Variants in TJP2 observed in about 807,000 individuals in gnomAD.
TJP2 encodes tight junction protein 2, also known as Friedreich ataxia region gene X104 (tight junction protein ZO-2).
In TJP2, 91 loss-of-function variants were observed where a neutral mutation model predicts 133.1. The ratio of observed to expected loss-of-function variants is 0.68; its 90% CI spans 0.58 to 0.81. TJP2 has a LOEUF of 0.81. Ranked by LOEUF, TJP2 falls within the 40% of genes least tolerant of loss-of-function variation. TJP2 has a pLI of 0.00. For synonymous variants in TJP2, 592 were observed against 583.4 expected, an observed-to-expected ratio of 1.01 and a Z score of -0.21; for missense variants, 1,541 against 1,565.6, an observed-to-expected ratio of 0.98 and a Z score of 0.26.
chr9:69,151,063 T>TTA (rs1823449295), intron 1 of TJP2, among the ~76,000 whole-genome samples: 1 of 152,078 alleles, frequency 6.6e-6, no homozygotes, highest in Non-Finnish European at 1.5e-5. Flanking sequence ...AATAGATAAA[T>TTA]CTATAGAGTA....
At chr9:69,190,304 A>G (rs1288080438) in intron 1 of TJP2, among the ~76,000 whole-genome samples, 1 of 152,226 alleles carries the variant, frequency 6.6e-6, no homozygotes, top group Non-Finnish European at 1.5e-5. Flanking sequence ...TGTGTTGGTA[A>G]TACTGACAAA....
intron 2 of TJP2, among the ~76,000 whole-genome samples, chr9:69,216,109 T>C (rs1828354509): frequency 6.6e-6 from 1 of 152,166 alleles, no homozygotes; most frequent in South Asian, 2.1e-4. Flanking sequence ...GCACTATCAA[T>C]CTTTTCCAGC....
At chr9:69,205,270 A>G (rs1375985717) in intron 1 of TJP2, 2 of 1,537,136 alleles carry the variant, frequency 1.3e-6, no homozygotes, top group Non-Finnish European at 1.7e-6. Context: ...TGTTTTCCCC[A>G]ACCTTTCTTC....
At chr9:69,238,002 C>A in intron 15 of TJP2, 29 bp downstream of exon 15, 1 of 1,558,936 alleles carries the variant, frequency 6.4e-7, no homozygotes, top group Non-Finnish European at 8.8e-7. Context: ...TTTTTTCCCC[C>A]AAATTTTTAT....
chr9:69,193,404 A>G (rs1378397421), intron 1 of TJP2, among the ~76,000 whole-genome samples: 1 of 151,688 alleles, frequency 6.6e-6, no homozygotes, highest in African/African-American at 2.4e-5. Context: ...CAAAAAGGAA[A>G]ATTGGGTGCC....
chr9:69,237,041 T>A lies in TJP2; in HGVS notation c.2084T>A (p.Val695Glu). 1.2e-6 allele frequency: 2 copies of A among 1,613,984 alleles called. No individual in the cohort carries two copies. The highest frequency in any genetic ancestry group is 1.7e-6 in the Non-Finnish European group (2 of 1,180,010). The change falls in exon 14 of 23, where the codon GTG becomes GAG. Residue 695 changes from valine to glutamate, a missense_variant. By Grantham distance (121) the Val-to-Glu change is moderately radical. Transcript: ENST00000377245. ...FWRMRGQRSG[V>E]KKNLRKSRED... ...AGAATGCGTGGCCAGAGGTCTGGGG[T>A]GAAGAAGAACCTGAGGAAAAGTCGG...
chr9:69,198,073 T>G (rs1199073893), intron 1 of TJP2, among the ~76,000 whole-genome samples: 1 of 152,106 alleles, frequency 6.6e-6, no homozygotes, highest in African/African-American at 2.4e-5. Flanking sequence ...TTATTGCTGT[T>G]TGCATTTCAA....
Position 69,254,547 on chromosome 9 carries a change from T to A in TJP2, c.*173T>A. 1 of 810,494 alleles carries A rather than the reference T, an allele frequency of 1.2e-6. No individual in the cohort carries two copies. Among genetic ancestry groups the A allele is most frequent in the South Asian group, 1.5e-5 (1 of 65,662 alleles). The allele number at this position is 810,494 out of a possible 1,614,324, so 50.2% of individuals were successfully genotyped here. A position where few individuals can be genotyped will look rare whatever the true frequency, so the allele number is the denominator to read the frequency against. On this transcript the variant is annotated 3_prime_UTR_variant, in exon 23 of 23. Transcript: ENST00000377245. ...GGGACAGCTGGTGCAAATTCAGAAC[T>A]GAGGGCTCTGTTTGTGGGACTGGGT...
chr9:69,252,724 GGGAAAGGGTGGGACCAGCA>G lies in TJP2; in HGVS notation c.3322-85_3322-67del, dbSNP rs1276071893. 12 of 1,202,842 alleles carry G rather than the reference GGGAAAGGGTGGGACCAGCA, an allele frequency of 1.0e-5. No individual in the cohort carries two copies. The African/African-American group carries it at 1.8e-4, about 18-fold the overall frequency. 74.5% of individuals were successfully genotyped at this position (1,202,842 alleles called of 1,614,324 possible). On this transcript the variant is annotated intron_variant, in intron 21 of 22. Coordinates refer to ENST00000377245, the MANE Select transcript of TJP2 (RefSeq NM_004817.4). ...GGGATGGGAAAATAAGTAGGATATGGGGAAAGGGTGGGACCAGCAGGAAACCAGCAAGCAGAGTGCCCAG... is the reference window on the plus strand; with the variant it reads ...GGGATGGGAAAATAAGTAGGATATGGGGAAACCAGCAAGCAGAGTGCCCAG...
rs140699826 is a variant in TJP2 at position 69,199,596 on chromosome 9, A to G, written c.61-12952A>G. 7.2e-5 allele frequency among the ~76,000 whole-genome samples: 11 copies of G among 152,162 alleles called. No individual in the cohort carries two copies. In the East Asian group the frequency reaches 1.5e-3, roughly 21 times the overall value. On this transcript the variant is annotated intron_variant, in intron 1 of 22. Transcript: ENST00000377245. ...AGAGGGAAACATCATGCAGAAAACC[A>G]TTGGCCCATTTATTGGATGGTGTCC... is the stretch of plus-strand genomic sequence containing the variant.
intron 8 of TJP2, 54 bp downstream of exon 8, chr9:69,227,927 T>C (rs993055501): frequency 2.5e-6 from 4 of 1,613,536 alleles, no homozygotes; most frequent in South Asian, 2.2e-5. Flanking sequence ...TACACACATA[T>C]GTATTTATGA....
intron 1 of TJP2, among the ~76,000 whole-genome samples, chr9:69,199,350 G>T (rs552056493): frequency 1.3e-5 from 2 of 152,094 alleles, no homozygotes; most frequent in Non-Finnish European, 2.9e-5. Context: ...GCAACATAGC[G>T]AGACCTTGTC....
chr9:69,230,877 A>G (rs916135894), intron 11 of TJP2, among the ~76,000 whole-genome samples: 7 of 152,168 alleles, frequency 4.6e-5, no homozygotes, highest in African/African-American at 1.7e-4. Flanking sequence ...GCTGCTACTC[A>G]ATGTTATTTA....
chr9:69,200,383 G>GT lies in TJP2; in HGVS notation c.61-12165_61-12164insT, dbSNP rs751919475. Reference sequence around the variant, plus strand: ...TGTGCCATCAATTACACTGTTTTGTGGTTTTTTACACCTTTTTTTCTAGAC... The same window carrying GT: ...TGTGCCATCAATTACACTGTTTTGTGTGTTTTTTACACCTTTTTTTCTAGAC... On this transcript the variant is annotated intron_variant, in intron 1 of 22. Transcript: ENST00000377245. 3.6e-4 allele frequency among the ~76,000 whole-genome samples: 46 copies of GT among 127,754 alleles called. 1 individual carries two copies. The highest frequency in any genetic ancestry group is 6.5e-4 in the Non-Finnish European group (38 of 58,020). 83.8% of individuals were successfully genotyped at this position (127,754 alleles called of 152,430 possible). A position where few individuals can be genotyped will look rare whatever the true frequency, so the allele number is the denominator to read the frequency against.
Position 69,229,220 on chromosome 9 carries a change from G to T in TJP2, c.1490G>T (p.Arg497Leu), listed in dbSNP as rs532438219. The T allele has an allele frequency of 1.2e-6, 2 of 1,613,920 alleles. No individual in the cohort carries two copies. Among genetic ancestry groups the T allele is most frequent in the African/African-American group, 1.3e-5 (1 of 74,942 alleles). Residue 497 changes from arginine (R) to leucine (L), a missense_variant, in exon 10 of 23, where the codon CGT becomes CTT. Arg to Leu is a moderately radical substitution (Grantham distance 102). Coordinates refer to ENST00000377245, the MANE Select transcript of TJP2 (RefSeq NM_004817.4). Reference sequence around the variant, plus strand: ...AAAGCAGCCCCGAGAACTTTTCTTCGTCCTAGTCCTGAAGATGAAGCAATA... The same window carrying T: ...AAAGCAGCCCCGAGAACTTTTCTTCTTCCTAGTCCTGAAGATGAAGCAATA... ...QPKAAPRTFL[R>L]PSPEDEAIYG...
chr9:69,170,686 T>C (rs945368757), upstream of TJP2, among the ~76,000 whole-genome samples: 1 of 152,256 alleles, frequency 6.6e-6, no homozygotes, highest in Non-Finnish European at 1.5e-5. Context: ...TTCCATGTTG[T>C]TGGCCTCTCC....
upstream of TJP2, among the ~76,000 whole-genome samples, chr9:69,170,578 C>T (rs538300486): frequency 6.6e-6 from 1 of 152,308 alleles, no homozygotes; most frequent in South Asian, 2.1e-4. Context: ...ATCTAACCTC[C>T]AGTCGTATCT....
chr9:69,145,782 G>A, intron 1 of TJP2: 1 of 1,232,080 alleles, frequency 8.1e-7, no homozygotes, highest in Non-Finnish European at 1.0e-6. Context: ...ACTTCTACCT[G>A]AGAGCAGAAG....
At chr9:69,239,769 G>T (rs891431014) in intron 16 of TJP2, among the ~76,000 whole-genome samples, 168 bp from the exon 17 acceptor site, 12 of 152,288 alleles carry the variant, frequency 7.9e-5, no homozygotes, top group African/African-American at 2.9e-4. Context: ...AGCCAAGTTT[G>T]TGCCACTGCA....
Sources: allele counts gnomAD v4.1 joint callset (sites outside exome capture counted in the v4.1 genomes callset), GRCh38; gene constraint gnomAD v4.1.1; transcripts MANE v1.5; gene names NCBI Gene and HGNC (gene_info 2026-07-23, HGNC 2026-07-21).